VPS41: variants seen among roughly 807,000 people sequenced by gnomAD.
VPS41 encodes VPS41 subunit of HOPS complex.
Under a neutral mutation model 130.9 loss-of-function variants are expected in VPS41, and 85 were observed. The ratio of observed to expected loss-of-function variants is 0.65; its 90% CI spans 0.55 to 0.78. The LOEUF (loss-of-function observed/expected upper bound fraction) is 0.78. Ranked by LOEUF, VPS41 falls within the 30% of genes least tolerant of loss-of-function variation. The pLI, the probability that VPS41 is intolerant of heterozygous loss-of-function variation, is 0.00. For missense variants in VPS41, 874 were observed against 1,018.7 expected (o/e 0.86, Z 1.93); for synonymous variants, 335 against 332.9 (o/e 1.01, Z -0.07).
chr7:38,763,583 A>G (rs1283785306), intron 16 of VPS41, 36 bp from the exon 17 acceptor site: 2 of 1,437,804 alleles, frequency 1.4e-6, no homozygotes, highest in Non-Finnish European at 1.9e-6. Flanking sequence ...GTCCATTAAA[A>G]TATGAAAAAA....
intron 9 of VPS41, among the ~76,000 whole-genome samples, chr7:38,792,535 C>T (rs1406826775): frequency 6.6e-6 from 1 of 152,176 alleles, no homozygotes; most frequent in Non-Finnish European, 1.5e-5. Flanking sequence ...CAAAATATAT[C>T]CAGGATCTGG....
chr7:38,804,797 A>G (rs1784807194), intron 7 of VPS41, among the ~76,000 whole-genome samples: 1 of 152,246 alleles, frequency 6.6e-6, no homozygotes, highest in Non-Finnish European at 1.5e-5. Flanking sequence ...ATTGCTGCAA[A>G]TGCAAGCACA....
chr7:38,754,969 A>G (rs769916976), intron 19 of VPS41, 33 bp from the exon 20 acceptor site: 1 of 1,606,084 alleles, frequency 6.2e-7, no homozygotes, highest in Non-Finnish European at 8.5e-7. Flanking sequence ...CAGTCAATGA[A>G]ATCCGTTATT....
intron 5 of VPS41, among the ~76,000 whole-genome samples, chr7:38,822,370 A>G (rs530470542): frequency 1.3e-4 from 20 of 152,296 alleles, no homozygotes; most frequent in South Asian, 4.1e-4. Context: ...ACTACCCTCA[A>G]AGCTACTGGC....
intron 1 of VPS41, among the ~76,000 whole-genome samples, chr7:38,908,808 A>C (rs1403584656): frequency 1.3e-5 from 2 of 152,188 alleles, no homozygotes; most frequent in Non-Finnish European, 2.9e-5. Flanking sequence ...CTTAAATTTC[A>C]GTCACCCGGC....
chr7:38,902,130 T>C (rs961882605), intron 1 of VPS41, among the ~76,000 whole-genome samples: 2 of 152,216 alleles, frequency 1.3e-5, no homozygotes, highest in African/African-American at 4.8e-5. Context: ...TTTCTGTGCC[T>C]TGACATGTGG....
intron 2 of VPS41, among the ~76,000 whole-genome samples, chr7:38,893,635 T>C (rs1786913879): frequency 2.0e-5 from 3 of 152,240 alleles, no homozygotes; most frequent in Admixed American, 2.0e-4. Context: ...ACCAGTTTAG[T>C]TAGTCTCAAA....
chr7:38,862,990 T>TCC (rs1309165903), intron 3 of VPS41, among the ~76,000 whole-genome samples: 3 of 151,976 alleles, frequency 2.0e-5, no homozygotes, highest in Admixed American at 6.6e-5. Context: ...ATTCAGAAAC[T>TCC]CCCCCTAATT....
At chr7:38,765,425 A>G (rs1048582005) in intron 16 of VPS41, among the ~76,000 whole-genome samples, 155 bp downstream of exon 16, 13 of 151,984 alleles carry the variant, frequency 8.6e-5, no homozygotes, top group African/African-American at 2.7e-4. Context: ...CACGAGGCTT[A>G]TATTTTGAAA....
At chr7:38,737,888 C>T (rs1019169612) in intron 25 of VPS41, among the ~76,000 whole-genome samples, 1 of 152,168 alleles carries the variant, frequency 6.6e-6, no homozygotes, top group Non-Finnish European at 1.5e-5. Flanking sequence ...CAGGTGTTGG[C>T]CTAAAGGCAA....
At chr7:38,751,331 C>T (rs922342363) in intron 22 of VPS41, among the ~76,000 whole-genome samples, 10 of 152,144 alleles carry the variant, frequency 6.6e-5, no homozygotes, top group Admixed American at 2.0e-4. Context: ...AGTATCTGGC[C>T]ATCCAAATTT....
chr7:38,900,806 CA>C (rs1225329982), intron 1 of VPS41, among the ~76,000 whole-genome samples: 2 of 151,930 alleles, frequency 1.3e-5, no homozygotes, highest in African/African-American at 2.4e-5. Flanking sequence ...CAGGCGATCT[CA>C]AAAAAAACTT....
intron 1 of VPS41, among the ~76,000 whole-genome samples, chr7:38,898,875 T>C (rs1195719189): frequency 1.3e-5 from 2 of 152,176 alleles, no homozygotes; most frequent in Non-Finnish European, 2.9e-5. Context: ...TAGATATCAA[T>C]AGCAATAAAA....
At chr7:38,771,293 AAG>A in intron 13 of VPS41, 39 bp from the exon 14 acceptor site, 1 of 1,475,208 alleles carries the variant, frequency 6.8e-7, no homozygotes, top group Admixed American at 1.9e-5. Flanking sequence ...AAAAAAAAAA[AAG>A]CAGAAAAGGA....
At chr7:38,748,992 T>C (rs901682077) in intron 22 of VPS41, among the ~76,000 whole-genome samples, 1 of 152,174 alleles carries the variant, frequency 6.6e-6, no homozygotes, top group African/African-American at 2.4e-5. Context: ...ACATACATTA[T>C]AAAGCACAAA....
rs150574749 is a variant in VPS41 at position 38,824,912 on chromosome 7, A to T, written c.322-3647T>A. 5.6e-4 allele frequency among the ~76,000 whole-genome samples: 86 copies of T among 152,384 alleles called. 1 individual carries two copies. The East Asian group carries it at 6.6e-3, about 12-fold the overall frequency. ...TAGAAAAAGACTGACAGATCAGTAA[A>T]TGTGTGGATAAATACTGGGACTGTG... On this transcript the variant is annotated intron_variant, in intron 5 of 28. Transcript: ENST00000310301.
At chr7:38,728,871 C>T (rs2115558489) in intron 25 of VPS41, 80 bp from the exon 26 acceptor site, 1 of 1,275,150 alleles carries the variant, frequency 7.8e-7, no homozygotes, top group East Asian at 2.4e-5. Flanking sequence ...ACTGGGGATT[C>T]CAAAAGCTGG....
intron 10 of VPS41, among the ~76,000 whole-genome samples, chr7:38,786,369 T>C (rs1415436477): frequency 6.6e-6 from 1 of 152,192 alleles, no homozygotes; most frequent in African/African-American, 2.4e-5. Flanking sequence ...TTGGTGGTGG[T>C]TGTTATATAA....
chr7:38,813,159 A>ACC, intron 7 of VPS41, among the ~76,000 whole-genome samples: 1 of 152,220 alleles, frequency 6.6e-6, no homozygotes, highest in Non-Finnish European at 1.5e-5. Flanking sequence ...AAAACATGAT[A>ACC]GATCTATACA....
Sources: gnomAD v4.1 joint callset for allele counts (sites outside exome capture counted in the v4.1 genomes callset) on GRCh38, gnomAD v4.1.1 for gene constraint, MANE v1.5 for transcripts, NCBI Gene and HGNC (gene_info 2026-07-23, HGNC 2026-07-21) for gene names.